The following SMC3 variants were observed in gnomAD, a reference collection of about 807,000 sequenced individuals.
The protein encoded by SMC3 is structural maintenance of chromosomes protein 3.
Under a neutral mutation model 171.8 loss-of-function variants are expected in SMC3, and 20 were observed. The ratio of observed to expected loss-of-function variants is 0.12; its 90% CI spans 0.08 to 0.17. The LOEUF (loss-of-function observed/expected upper bound fraction) is 0.17, where lower values mean the gene tolerates loss of function less well. Ranked by LOEUF, SMC3 falls within the 10% of genes least tolerant of loss-of-function variation. The pLI is 1.00. For synonymous variants in SMC3, 464 were observed against 451.1 expected (o/e 1.03, Z -0.36); for missense variants, 543 against 1,420.4 (o/e 0.38, Z 9.93).
chr10:110,596,561 G>A lies in SMC3; in HGVS notation c.2116+11G>A. 1 of 1,613,172 alleles carries A rather than the reference G, an allele frequency of 6.2e-7. No homozygotes were observed. Among genetic ancestry groups the A allele is most frequent in the South Asian group, 1.1e-5 (1 of 91,006 alleles). ...GCAGAAATATTGAAAATATCTTTTT[G>A]TTTTGTGCATAGTGATAGATATTGT... On this transcript the variant is annotated intron_variant, in intron 19 of 28. Coordinates refer to ENST00000361804, the MANE Select transcript of SMC3 (RefSeq NM_005445.4).
Position 110,593,321 on chromosome 10 carries a change from C to T in SMC3, c.1963+98C>T, listed in dbSNP as rs1019632125. ...GCGCAGTGGCTCATGCCTGTAATCCCAGCACTTTGGGAGGCTGAGGCGGGT... is the reference window on the plus strand; with the variant it reads ...GCGCAGTGGCTCATGCCTGTAATCCTAGCACTTTGGGAGGCTGAGGCGGGT... On this transcript the variant is annotated intron_variant, in intron 18 of 28. Coordinates refer to ENST00000361804, the MANE Select transcript of SMC3 (RefSeq NM_005445.4). 12 of 1,287,924 alleles carry T rather than the reference C, an allele frequency of 9.3e-6. No individual in the cohort carries two copies. In the African/African-American group the frequency reaches 1.3e-4, roughly 14 times the overall value. 79.8% of individuals were successfully genotyped at this position (1,287,924 alleles called of 1,614,324 possible).
Position 110,585,413 on chromosome 10 carries a change from C to T in SMC3, c.1305+1017C>T, listed in dbSNP as rs757848350. 5.3e-5 allele frequency among the ~76,000 whole-genome samples: 8 copies of T among 151,814 alleles called. No individual in the cohort carries two copies. The South Asian group carries it at 8.3e-4, about 16-fold the overall frequency. On this transcript the variant is annotated intron_variant, in intron 13 of 28. Transcript: ENST00000361804. ...CAAGCAATTCTCTGCCTCAGCCTCC[C>T]GAGTGGCTGGGATTACAGGTGCCTG... is the stretch of plus-strand genomic sequence containing the variant.
At chr10:110,594,377 A>T (rs1436797296) in intron 18 of SMC3, among the ~76,000 whole-genome samples, 1 of 151,998 alleles carries the variant, frequency 6.6e-6, no homozygotes, top group Non-Finnish European at 1.5e-5. Flanking sequence ...AGTGGGTCTA[A>T]TAGCTACCAT....
chr10:110,604,131 A>T, intron 28 of SMC3, 100 bp from the exon 29 acceptor site: 1 of 659,188 alleles, frequency 1.5e-6, no homozygotes, highest in Non-Finnish European at 2.6e-6. Context: ...AAAATTAAAA[A>T]ATGTAGTTAA....
chr10:110,592,444 T>C (rs1861222689), intron 17 of SMC3, among the ~76,000 whole-genome samples: 1 of 152,172 alleles, frequency 6.6e-6, no homozygotes, highest in Admixed American at 6.5e-5. Context: ...GTTGGTGTTC[T>C]ATTAATTTAC....
chr10:110,576,599 C>G (rs1860954131), intron 4 of SMC3, among the ~76,000 whole-genome samples: 1 of 152,182 alleles, frequency 6.6e-6, no homozygotes, highest in Admixed American at 6.5e-5. Flanking sequence ...CATGTCTTAA[C>G]AGTGTTTCTC....
intron 13 of SMC3, among the ~76,000 whole-genome samples, chr10:110,587,042 T>A (rs1861130969): frequency 1.3e-5 from 2 of 152,184 alleles, no homozygotes; most frequent in Admixed American, 1.3e-4. Context: ...AAATAAAATG[T>A]CTTTTTGGTG....
intron 20 of SMC3, among the ~76,000 whole-genome samples, chr10:110,599,154 A>G (rs539991332): frequency 1.2e-4 from 19 of 152,058 alleles, no homozygotes; most frequent in South Asian, 2.1e-4. Flanking sequence ...CTGGAGTGCA[A>G]TGGCGTGATC....
chr10:110,599,795 A>G lies in SMC3; in HGVS notation c.2410A>G (p.Ile804Val), dbSNP rs1441581516. 1 of 1,614,118 alleles carries G rather than the reference A, an allele frequency of 6.2e-7. No individual in the cohort carries two copies. ...QKRVDALNDE[I>V]RQLQQENRQL... Reference sequence around the variant, plus strand: ...GAGAGTAGATGCACTGAATGATGAGATTCGTCAACTTCAGCAGGTAAGTAG... The same window carrying G: ...GAGAGTAGATGCACTGAATGATGAGGTTCGTCAACTTCAGCAGGTAAGTAG... The change falls in exon 21 of 29, where the codon ATT becomes GTT. Residue 804 changes from isoleucine to valine, a missense_variant. Ile to Val is a conservative substitution (Grantham distance 29). Around this residue, in one of 8 missense-constraint regions of SMC3, gnomAD observed 218 missense variants for 509.6 expected, o/e 0.43. Coordinates refer to ENST00000361804, the MANE Select transcript of SMC3 (RefSeq NM_005445.4).
chr10:110,590,325 A>G, intron 15 of SMC3, 87 bp from the exon 16 acceptor site: 1 of 1,141,690 alleles, frequency 8.8e-7, no homozygotes, highest in Non-Finnish European at 1.3e-6. Flanking sequence ...GTATATTTTT[A>G]AAATGTATGG....
At chr10:110,580,568 ATC>A (rs1861016403) in intron 7 of SMC3, among the ~76,000 whole-genome samples, 1 of 152,224 alleles carries the variant, frequency 6.6e-6, no homozygotes, top group African/African-American at 2.4e-5. Context: ...CCAAATCATA[ATC>A]TGTTTAAAAC....
rs1042266336 is a variant in SMC3 at position 110,590,592 on chromosome 10, A to G, written c.1670+20A>G. 1.9e-6 allele frequency: 3 copies of G among 1,611,736 alleles called. No individual in the cohort carries two copies. Among genetic ancestry groups the G allele is most frequent in the Non-Finnish European group, 2.5e-6 (3 of 1,178,052 alleles). The stretch of plus-strand genomic sequence containing the variant: ...AAACAGGTTAAAGCTTTTGCTTGAT[A>G]TTTAGCATTTTTAGAAGAGGGAATA... On this transcript the variant is annotated intron_variant, in intron 16 of 28. Coordinates refer to ENST00000361804, the MANE Select transcript of SMC3 (RefSeq NM_005445.4).
intron 13 of SMC3, among the ~76,000 whole-genome samples, chr10:110,586,040 C>T (rs1210018768): frequency 6.6e-6 from 1 of 152,138 alleles, no homozygotes; most frequent in Non-Finnish European, 1.5e-5. Flanking sequence ...TTGTGACCTG[C>T]CTGCCTCGGC....
rs189874979 is a variant in SMC3 at position 110,571,227 on chromosome 10, G to A, written c.91+2214G>A. Reference sequence around the variant, plus strand: ...CTTAATAATAACAGTCTATACTTGTGATTAGTCCTGGTTTCCTAGAAAACA... The same window carrying A: ...CTTAATAATAACAGTCTATACTTGTAATTAGTCCTGGTTTCCTAGAAAACA... On this transcript the variant is annotated intron_variant, in intron 2 of 28. Coordinates refer to ENST00000361804, the MANE Select transcript of SMC3 (RefSeq NM_005445.4). Among the ~76,000 whole-genome samples the A allele has an allele frequency of 3.3e-3, 500 of 152,272 alleles. 2 individuals are homozygous for A. Among genetic ancestry groups the A allele is most frequent in the African/African-American group, 0.011 (465 of 41,550 alleles).
At position 110,589,706 on chromosome 10, in the gene SMC3, A is replaced by G. The variant is rs779217341; in HGVS notation, c.1407A>G (p.Arg469=). 7 of 1,572,600 alleles carry G rather than the reference A, an allele frequency of 4.5e-6. No individual in the cohort carries two copies. The Admixed American group carries it at 1.0e-4, about 23-fold the overall frequency. ...KNKKDELQSE[R]NYLWREENAE... is the part of the protein sequence containing the mutation. ...AGAAAGATGAACTACAAAGTGAAAG[A>G]AAGTTAGTATAGACTAAAATGTGCA... Residue 469 remains arginine (R), a splice_region_variant and synonymous_variant, in exon 14 of 29, where the codon AGA becomes AGG. Coordinates refer to ENST00000361804, the MANE Select transcript of SMC3 (RefSeq NM_005445.4).
intron 3 of SMC3, among the ~76,000 whole-genome samples, chr10:110,574,393 G>C (rs1023106159): frequency 6.6e-6 from 1 of 152,096 alleles, no homozygotes; most frequent in Non-Finnish European, 1.5e-5. Context: ...GACAGTTAAG[G>C]AGTAGGTTGA....
At chr10:110,577,789 C>T (rs751605629) in intron 5 of SMC3, 46 bp from the exon 6 acceptor site, 33 of 1,347,348 alleles carry the variant, frequency 2.4e-5, no homozygotes, top group East Asian at 2.3e-5. Context: ...AAAAAGTTTT[C>T]TCCTTTACTA....
intron 17 of SMC3, 31 bp downstream of exon 17, chr10:110,591,163 C>G (rs1284120902): frequency 6.2e-7 from 1 of 1,604,066 alleles, no homozygotes; most frequent in Non-Finnish European, 8.5e-7. Context: ...GTGTATTTCT[C>G]TTTTATAATG....
intron 13 of SMC3, among the ~76,000 whole-genome samples, chr10:110,586,436 C>T (rs79280941): frequency 0.046 from 6,999 of 152,228 alleles, 181 homozygotes; most frequent in Middle Eastern, 0.065. Context: ...GTTAACACCT[C>T]CTTTCTTGAA....
Sources: allele counts gnomAD v4.1 joint callset (sites outside exome capture counted in the v4.1 genomes callset), GRCh38; gene constraint gnomAD v4.1.1; regional missense constraint gnomAD v4.1.1; transcripts MANE v1.5; gene names NCBI Gene and HGNC (gene_info 2026-07-23, HGNC 2026-07-21).